Variants in ANGPT4 observed in about 807,000 individuals in gnomAD.
The protein encoded by ANGPT4 is angiopoietin-4.
In ANGPT4, 50 loss-of-function variants were observed where a neutral mutation model predicts 53.0. That is an observed-to-expected ratio of 0.94 (90% CI 0.75 to 1.20). The LOEUF (loss-of-function observed/expected upper bound fraction) is 1.20, where lower values mean the gene tolerates loss of function less well. ANGPT4 is among the 50% of genes most tolerant of loss of function. ANGPT4 has a pLI of 0.00. For synonymous variants in ANGPT4, 251 were observed against 259.7 expected (o/e 0.97, Z 0.32); for missense variants, 648 against 637.1 (o/e 1.02, Z -0.18).
chr20:891,760 A>G (rs1981856156), intron 1 of ANGPT4, among the ~76,000 whole-genome samples: 2 of 151,564 alleles, frequency 1.3e-5, no homozygotes, highest in African/African-American at 4.9e-5. Flanking sequence ...TCCCTTCCTC[A>G]CCCTGGAGTG....
chr20:910,043 C>T (rs2122133807), intron 1 of ANGPT4, among the ~76,000 whole-genome samples: 1 of 152,304 alleles, frequency 6.6e-6, no homozygotes, highest in Non-Finnish European at 1.5e-5. Flanking sequence ...CCAGCTAATG[C>T]CCAGGGACCC....
Position 871,672 on chromosome 20 carries a change from G to T in ANGPT4, c.*1288C>A, listed in dbSNP as rs1287961872. On this transcript the variant is annotated 3_prime_UTR_variant, in exon 9 of 9. Transcript: ENST00000381922. ...TAGGGCTTGGAGGCAGAGAGGATCT[G>T]GACTTGGAGACAGATGTCCTGCCTA... is the stretch of plus-strand genomic sequence containing the variant. The T allele has an allele frequency of 6.6e-6, 1 of 152,402 alleles. No individual in the cohort carries two copies. The allele number at this position is 152,402 out of a possible 1,614,324, so 9.4% of individuals were successfully genotyped here.
intron 8 of ANGPT4, among the ~76,000 whole-genome samples, chr20:873,515 C>T (rs1981035882): frequency 6.6e-6 from 1 of 151,988 alleles, no homozygotes; most frequent in African/African-American, 2.4e-5. Context: ...AGGTTCATCT[C>T]TTTCTCTCTT....
rs1407800485 is a variant in ANGPT4, at chr20:878,337, G to A, written c.1054-10C>T. 1.9e-6 allele frequency: 3 copies of A among 1,589,708 alleles called. No individual in the cohort carries two copies. In the African/African-American group the frequency reaches 4.0e-5, roughly 21 times the overall value. On this transcript the variant is annotated splice_polypyrimidine_tract_variant and intron_variant, in intron 6 of 8. Transcript: ENST00000381922. The stretch of plus-strand genomic sequence containing the variant: ...CTGGGTCTCCGAAGCCCTATAGGGA[G>A]GGGAGCGTGGGGTGAGACTCATGCT...
In ANGPT4 at chr20:908,545, T is replaced by C. The variant is rs1982570531; in HGVS notation, c.309+7361A>G. 6.6e-6 allele frequency among the ~76,000 whole-genome samples: 1 copy of C among 152,188 alleles called. No homozygotes were observed. On this transcript the variant is annotated intron_variant, in intron 1 of 8. Transcript: ENST00000381922. This position sits in a 1 kb window ranked among gnomAD's most constrained non-coding sequence, Gnocchi z 4.9. ...CCCTCCTTCATGGCACATATCATGA[T>C]TGATCGTTGCACATGGGAAATCACT...
In ANGPT4 at chr20:908,674, C is replaced by A. The variant is rs13040505; in HGVS notation, c.309+7232G>T. 6.6e-6 allele frequency among the ~76,000 whole-genome samples: 1 copy of A among 152,034 alleles called. No homozygotes were observed. Among genetic ancestry groups the A allele is most frequent in the Non-Finnish European group, 1.5e-5 (1 of 68,010 alleles). ...CATGGCGCCTGGCGCATTGTAAGCC[C>A]TCAATAAACAGTGGTGGAAGGGACA... On this transcript the variant is annotated intron_variant, in intron 1 of 8. Transcript: ENST00000381922. This position sits in a 1 kb window ranked among gnomAD's most constrained non-coding sequence, Gnocchi z 4.9.
chr20:913,343 G>A (rs1256967187), intron 1 of ANGPT4, among the ~76,000 whole-genome samples: 2 of 152,184 alleles, frequency 1.3e-5, no homozygotes, highest in Non-Finnish European at 2.9e-5. Flanking sequence ...AGGAGTGTCA[G>A]AGGGGGCAGA....
At chr20:881,829 G>A (rs1441594556) in intron 4 of ANGPT4, among the ~76,000 whole-genome samples, 2 of 152,228 alleles carry the variant, frequency 1.3e-5, no homozygotes, top group Non-Finnish European at 2.9e-5. Context: ...GTGGAGGGGG[G>A]CCTGGAGGGG....
chr20:907,263 C>A (rs746579404), intron 1 of ANGPT4, among the ~76,000 whole-genome samples: 1 of 152,094 alleles, frequency 6.6e-6, no homozygotes, highest in Non-Finnish European at 1.5e-5. Flanking sequence ...CTGAGCCTCA[C>A]CTTTCATGGG....
intron 1 of ANGPT4, among the ~76,000 whole-genome samples, chr20:906,976 TG>T (rs1049711202): frequency 6.6e-6 from 1 of 152,226 alleles, no homozygotes; most frequent in African/African-American, 2.4e-5. Context: ...ACATCCAGTG[TG>T]GTCTGGGCCT....
intron 3 of ANGPT4, 102 bp downstream of exon 3, chr20:888,216 T>C: frequency 6.9e-7 from 1 of 1,459,496 alleles, no homozygotes; most frequent in Non-Finnish European, 9.1e-7. Flanking sequence ...CGGTCCTGGC[T>C]CCAGCCCCAG....
At chr20:881,488 G>T (rs1981404577) in intron 4 of ANGPT4, among the ~76,000 whole-genome samples, 1 of 152,178 alleles carries the variant, frequency 6.6e-6, no homozygotes, top group South Asian at 2.1e-4. Context: ...GCCCAGTGGA[G>T]AAGGGGAAGG....
chr20:876,680 C>T (rs554919196), intron 7 of ANGPT4, among the ~76,000 whole-genome samples: 6 of 152,234 alleles, frequency 3.9e-5, no homozygotes, highest in South Asian at 2.1e-4. Context: ...GGGATGGAGT[C>T]GGGATTTAAG....
chr20:904,038 G>A (rs1039897864), intron 1 of ANGPT4, among the ~76,000 whole-genome samples: 3 of 152,194 alleles, frequency 2.0e-5, no homozygotes, highest in African/African-American at 4.8e-5. Flanking sequence ...AAAATCTGGA[G>A]GGTCAGATCT....
rs1982587172 is a variant in ANGPT4, at chr20:908,874, T to A, written c.309+7032A>T. 1.3e-5 allele frequency among the ~76,000 whole-genome samples: 2 copies of A among 152,174 alleles called. No homozygotes were observed. The highest frequency in any genetic ancestry group is 2.9e-5 in the Non-Finnish European group (2 of 68,032). On this transcript the variant is annotated intron_variant, in intron 1 of 8. Transcript: ENST00000381922. This position sits in a 1 kb window ranked among gnomAD's most constrained non-coding sequence, Gnocchi z 4.9. Reference sequence around the variant, plus strand: ...CATGACATTTATGGCATGCTATGTATCTTGTTGCCTCTGGAGAGGAGAAAC... The same window carrying A: ...CATGACATTTATGGCATGCTATGTAACTTGTTGCCTCTGGAGAGGAGAAAC...
rs534116642 is a variant in ANGPT4 at position 888,573 on chromosome 20, G to T, written c.466-134C>A. 5.0e-6 allele frequency: 7 copies of T among 1,399,218 alleles called. No individual in the cohort carries two copies. In the African/African-American group the frequency reaches 8.7e-5, roughly 17 times the overall value. The allele number at this position is 1,399,218 out of a possible 1,614,324, so 86.7% of individuals were successfully genotyped here. A position where few individuals can be genotyped will look rare whatever the true frequency, so the allele number is the denominator to read the frequency against. ...CACTCTCCCAGTCGTAGTTCCTGTG[G>T]TTACTCACTCACAGGCCCTGACTTA... On this transcript the variant is annotated intron_variant, in intron 2 of 8. Coordinates refer to ENST00000381922, the MANE Select transcript of ANGPT4 (RefSeq NM_015985.4).
chr20:895,238 G>A (rs1171665472), intron 1 of ANGPT4, among the ~76,000 whole-genome samples: 3 of 152,154 alleles, frequency 2.0e-5, no homozygotes. Flanking sequence ...TCCAGGATTA[G>A]ACCTGCCCCT....
intron 3 of ANGPT4, among the ~76,000 whole-genome samples, chr20:887,951 G>A (rs1440270843): frequency 6.6e-6 from 1 of 152,048 alleles, no homozygotes; most frequent in East Asian, 1.9e-4. Context: ...GCCCCAGGAA[G>A]ATGCCTATCC....
intron 1 of ANGPT4, among the ~76,000 whole-genome samples, chr20:901,154 TCTATTTTGTTTTGTCCCAACACTTCACCA>T (rs1982271107): frequency 6.6e-6 from 1 of 152,084 alleles, no homozygotes; most frequent in African/African-American, 2.4e-5. Flanking sequence ...ACACTTCACC[TCTATTTTGTTTTGTCCCAACACTTCACCA>T]CTATTTTGTT....
Sources: gnomAD v4.1 joint callset for allele counts (sites outside exome capture counted in the v4.1 genomes callset) on GRCh38, gnomAD v4.1.1 for gene constraint, Gnocchi (gnomAD v3.1) non-coding constraint, MANE v1.5 for transcripts, NCBI Gene and HGNC (gene_info 2026-07-23, HGNC 2026-07-21) for gene names.